The following GULP1 variants were observed in gnomAD, a reference collection of about 807,000 sequenced individuals.
GULP1 encodes GULP PTB domain containing engulfment adaptor 1, also known as PTB domain-containing engulfment adapter protein 1.
In GULP1, 19 loss-of-function variants were observed where a neutral mutation model predicts 40.9. The observed-to-expected ratio is 0.46, with a 90% confidence interval of 0.32 to 0.68. GULP1 has a LOEUF of 0.68. Among genes scored for constraint, GULP1 ranks in the 30% least tolerant of loss-of-function variants. The pLI is 0.03. For missense variants in GULP1, 312 were observed against 362.2 expected (o/e 0.86, Z 1.12); for synonymous variants, 119 against 117.6 (o/e 1.01, Z -0.08).
intron 1 of GULP1, among the ~76,000 whole-genome samples, chr2:188,349,717 T>C (rs772153926): frequency 2.0e-5 from 3 of 152,176 alleles, no homozygotes; most frequent in Non-Finnish European, 4.4e-5. Flanking sequence ...GATGAAAATA[T>C]TTGATGATGT....
chr2:188,580,357 T>C (rs1027461173), intron 9 of GULP1, among the ~76,000 whole-genome samples: 4 of 151,848 alleles, frequency 2.6e-5, no homozygotes, highest in African/African-American at 9.7e-5. Flanking sequence ...ATCGAGACCA[T>C]CCCGGCTAAA....
intron 4 of GULP1, among the ~76,000 whole-genome samples, chr2:188,512,902 T>C (rs1303466330): frequency 6.6e-6 from 1 of 152,122 alleles, no homozygotes; most frequent in African/African-American, 2.4e-5. Context: ...TTGGAAAATA[T>C]TAACCAAATA....
intron 2 of GULP1, among the ~76,000 whole-genome samples, chr2:188,386,681 C>CTT (rs1183761982): frequency 6.6e-6 from 1 of 152,002 alleles, no homozygotes; most frequent in Non-Finnish European, 1.5e-5. Flanking sequence ...TGACTGTGAT[C>CTT]TTTTAAAGGC....
chr2:188,550,028 A>G (rs1693042455), intron 7 of GULP1, among the ~76,000 whole-genome samples: 1 of 151,760 alleles, frequency 6.6e-6, no homozygotes, highest in Non-Finnish European at 1.5e-5. Flanking sequence ...TTCTGACTAT[A>G]TTATGAATAT....
chr2:188,332,448 A>C (rs1341234723), intron 1 of GULP1, among the ~76,000 whole-genome samples: 1 of 152,142 alleles, frequency 6.6e-6, no homozygotes. Flanking sequence ...TTGGGCTCTG[A>C]AAGTGCTGGG....
intron 4 of GULP1, among the ~76,000 whole-genome samples, chr2:188,485,328 C>T (rs1347042831): frequency 2.0e-5 from 3 of 151,900 alleles, no homozygotes; most frequent in Admixed American, 1.3e-4. Context: ...GTAGAGGGTG[C>T]AAAAACATCT....
At chr2:188,394,085 A>G (rs1284040025) in intron 2 of GULP1, among the ~76,000 whole-genome samples, 1 of 152,190 alleles carries the variant, frequency 6.6e-6, no homozygotes, top group Admixed American at 6.5e-5. Flanking sequence ...CAAGGCCAGG[A>G]AAGTTTTTTT....
intron 2 of GULP1, among the ~76,000 whole-genome samples, chr2:188,443,133 A>T (rs2058078674): frequency 1.4e-5 from 2 of 146,558 alleles, no homozygotes. Context: ...CACCAGAGAA[A>T]TGTAAGAATT....
chr2:188,373,589 G>C (rs1387988572), intron 1 of GULP1, among the ~76,000 whole-genome samples: 1 of 151,728 alleles, frequency 6.6e-6, no homozygotes, highest in Non-Finnish European at 1.5e-5. Context: ...TCACATAGTA[G>C]ATGTCGAATC....
At chr2:188,536,493 C>T (rs555334304) in intron 6 of GULP1, among the ~76,000 whole-genome samples, 1 of 152,166 alleles carries the variant, frequency 6.6e-6, no homozygotes, top group African/African-American at 2.4e-5. Flanking sequence ...GATCAGATGG[C>T]TGTAGACTTG....
chr2:188,400,190 A>G (rs1005916770), intron 2 of GULP1, among the ~76,000 whole-genome samples: 2 of 152,120 alleles, frequency 1.3e-5, no homozygotes, highest in Non-Finnish European at 2.9e-5. Flanking sequence ...ATTTTAGGCA[A>G]CATAACTCCA....
At chr2:188,462,991 T>G (rs960129574) in intron 2 of GULP1, among the ~76,000 whole-genome samples, 5 of 152,136 alleles carry the variant, frequency 3.3e-5, no homozygotes, top group African/African-American at 1.2e-4. Context: ...TGAAAAGTTG[T>G]TTTAGTTATT....
chr2:188,364,941 T>C (rs572115222), intron 1 of GULP1, among the ~76,000 whole-genome samples: 17 of 138,068 alleles, frequency 1.2e-4, no homozygotes, highest in South Asian at 7.2e-4. Context: ...TATATATATA[T>C]ACACACACAC....
chr2:188,331,711 G>A (rs776038176), intron 1 of GULP1, among the ~76,000 whole-genome samples: 22 of 152,012 alleles, frequency 1.4e-4, no homozygotes, highest in Non-Finnish European at 2.9e-4. Context: ...ATCCATTTAG[G>A]AGGATATCCT....
At chr2:188,311,742 ATATT>A (rs1473622930) in intron 1 of GULP1, among the ~76,000 whole-genome samples, 1 of 147,974 alleles carries the variant, frequency 6.8e-6, no homozygotes, top group African/African-American at 2.4e-5. Context: ...TATAAATCTA[ATATT>A]TATATGTATA....
chr2:188,389,108 G>A (rs1046326340), intron 2 of GULP1, among the ~76,000 whole-genome samples: 3 of 152,166 alleles, frequency 2.0e-5, no homozygotes, highest in African/African-American at 7.2e-5. Flanking sequence ...GGCAAGAGGG[G>A]CATGTTGATG....
chr2:188,314,415 T>C (rs182841393), intron 1 of GULP1, among the ~76,000 whole-genome samples: 1 of 152,258 alleles, frequency 6.6e-6, no homozygotes, highest in East Asian at 1.9e-4. Context: ...CCTAGATCTT[T>C]ATCCTCCCCC....
intron 2 of GULP1, among the ~76,000 whole-genome samples, chr2:188,411,858 C>T (rs1249068026): frequency 6.6e-6 from 1 of 152,202 alleles, no homozygotes; most frequent in Non-Finnish European, 1.5e-5. Context: ...TTCTGTCCTT[C>T]AGGTATGTCC....
At chr2:188,371,945 C>T (rs542670500) in intron 1 of GULP1, among the ~76,000 whole-genome samples, 5 of 151,986 alleles carry the variant, frequency 3.3e-5, no homozygotes, top group African/African-American at 9.7e-5. Flanking sequence ...TACTACTGAA[C>T]GAGCTTTCAG....
Sources: allele counts gnomAD v4.1 joint callset (sites outside exome capture counted in the v4.1 genomes callset), GRCh38; gene constraint gnomAD v4.1.1; transcripts MANE v1.5; gene names NCBI Gene and HGNC (gene_info 2026-07-23, HGNC 2026-07-21).